The following NPAS2 variants were observed in gnomAD, a reference collection of about 807,000 sequenced individuals.
The protein encoded by NPAS2 is neuronal PAS domain protein 2.
In NPAS2, 23 loss-of-function variants were observed where a neutral mutation model predicts 107.5. That is an observed-to-expected ratio of 0.21 (90% CI 0.15 to 0.30). The LOEUF is 0.30. Among genes scored for constraint, NPAS2 ranks in the 10% least tolerant of loss-of-function variants. NPAS2 has a pLI of 1.00. For synonymous variants in NPAS2, 403 were observed against 417.5 expected (o/e 0.97, Z 0.42); for missense variants, 756 against 1,043.3 (o/e 0.72, Z 3.79).
intron 1 of NPAS2, among the ~76,000 whole-genome samples, chr2:100,828,285 CT>C (rs1267228140): frequency 6.6e-6 from 1 of 151,814 alleles, no homozygotes; most frequent in Non-Finnish European, 1.5e-5. Flanking sequence ...GTTTAAGTTC[CT>C]TATAGATTCT....
At chr2:100,930,821 A>C (rs1683892574) in intron 3 of NPAS2, among the ~76,000 whole-genome samples, 1 of 152,166 alleles carries the variant, frequency 6.6e-6, no homozygotes, top group African/African-American at 2.4e-5. Context: ...AGTTGAATGG[A>C]TCTCTATTTA....
chr2:100,962,471 C>T (rs1369884225), intron 7 of NPAS2, among the ~76,000 whole-genome samples: 2 of 152,070 alleles, frequency 1.3e-5, no homozygotes, highest in Non-Finnish European at 2.9e-5. Context: ...TTGTGAAAAA[C>T]GCAGCACAGA....
intron 1 of NPAS2, among the ~76,000 whole-genome samples, chr2:100,845,318 G>C (rs1267828777): frequency 6.6e-6 from 1 of 152,188 alleles, no homozygotes; most frequent in Non-Finnish European, 1.5e-5. Flanking sequence ...CTGACGTGGA[G>C]CAGGCTGGCT....
At chr2:100,928,724 A>G (rs1313096057) in intron 3 of NPAS2, among the ~76,000 whole-genome samples, 2 of 152,254 alleles carry the variant, frequency 1.3e-5, no homozygotes, top group Non-Finnish European at 2.9e-5. Context: ...CTTGGATTAA[A>G]GCAAAAAACA....
chr2:100,886,762 A>G (rs931001551), intron 1 of NPAS2, among the ~76,000 whole-genome samples: 2 of 152,222 alleles, frequency 1.3e-5, no homozygotes, highest in African/African-American at 2.4e-5. Flanking sequence ...AATATCCTCT[A>G]GATGAATTCA....
intron 1 of NPAS2, among the ~76,000 whole-genome samples, chr2:100,883,500 G>A (rs1354114924): frequency 2.0e-5 from 3 of 152,130 alleles, no homozygotes; most frequent in Non-Finnish European, 4.4e-5. Context: ...ACACGCCATG[G>A]GATGCTGCAG....
intron 2 of NPAS2, among the ~76,000 whole-genome samples, chr2:100,924,097 G>A (rs549014834): frequency 6.6e-6 from 1 of 152,086 alleles, no homozygotes; most frequent in Non-Finnish European, 1.5e-5. Flanking sequence ...ATTTTTTGGA[G>A]CATTTTTAGG....
chr2:100,848,471 G>A (rs1426254816), intron 1 of NPAS2, among the ~76,000 whole-genome samples: 1 of 152,168 alleles, frequency 6.6e-6, no homozygotes, highest in African/African-American at 2.4e-5. Context: ...ATTTAAAGGA[G>A]GAGGAAAGGG....
At chr2:100,902,612 G>A (rs1681858849) in intron 1 of NPAS2, among the ~76,000 whole-genome samples, 1 of 152,246 alleles carries the variant, frequency 6.6e-6, no homozygotes, top group Non-Finnish European at 1.5e-5. Context: ...CAAGGGCAAA[G>A]AGATCTGGAA....
At chr2:100,959,907 T>A (rs904717752) in intron 7 of NPAS2, among the ~76,000 whole-genome samples, 3 of 152,228 alleles carry the variant, frequency 2.0e-5, no homozygotes, top group African/African-American at 4.8e-5. Context: ...TTTCTCCAGC[T>A]CTTTGTATTC....
intron 6 of NPAS2, among the ~76,000 whole-genome samples, 200 bp from the exon 7 acceptor site, chr2:100,949,167 G>A (rs1675076203): frequency 6.6e-6 from 1 of 152,200 alleles, no homozygotes; most frequent in Non-Finnish European, 1.5e-5. Context: ...TGTATGGAAT[G>A]CAAAATATCT....
chr2:100,971,496 C>G (rs559542737), intron 12 of NPAS2, among the ~76,000 whole-genome samples: 83 of 152,104 alleles, frequency 5.5e-4, no homozygotes, highest in Non-Finnish European at 1.0e-3. Context: ...CCCTGGTCTT[C>G]CTTTGCTTGA....
At chr2:100,890,958 C>T (rs977383071) in intron 1 of NPAS2, among the ~76,000 whole-genome samples, 5 of 151,862 alleles carry the variant, frequency 3.3e-5, no homozygotes, top group Admixed American at 2.6e-4. Flanking sequence ...ATGGTCCAGG[C>T]GCAGTGGCTC....
rs150646388 is a variant in NPAS2 at position 100,839,853 on chromosome 2, G to A, written c.-23+19439G>A. Among the ~76,000 whole-genome samples the A allele has an allele frequency of 3.6e-4, 55 of 152,096 alleles. 1 individual carries two copies. The East Asian group carries it at 9.3e-3, about 26-fold the overall frequency. ...TTAAGAATATTTGTGCTTCACTTTT[G>A]AAGTCCATCTTCTTCTATAGATACT... is the stretch of plus-strand genomic sequence containing the variant. On this transcript the variant is annotated intron_variant, in intron 1 of 20. Coordinates refer to ENST00000335681, the MANE Select transcript of NPAS2 (RefSeq NM_002518.4).
intron 2 of NPAS2, among the ~76,000 whole-genome samples, chr2:100,907,520 A>ACACACC (rs1682241685): frequency 6.6e-6 from 1 of 150,724 alleles, no homozygotes; most frequent in Non-Finnish European, 1.5e-5. Flanking sequence ...ACACACACAC[A>ACACACC]CACCCCTAAG....
chr2:100,978,109 G>A lies in NPAS2; in HGVS notation c.1482+310G>A, dbSNP rs930771628. ...TCTGAGATTTGTGTACCTGTCACCC[G>A]AGCAGTGTACACTGTACCCAATATG... On this transcript the variant is annotated intron_variant, in intron 15 of 20. Transcript: ENST00000335681. Among the ~76,000 whole-genome samples the A allele has an allele frequency of 5.9e-5, 9 of 152,024 alleles. No individual in the cohort carries two copies. The East Asian group carries it at 9.6e-4, about 16-fold the overall frequency.
chr2:100,899,292 C>T (rs1247796183), intron 1 of NPAS2, among the ~76,000 whole-genome samples: 8 of 150,468 alleles, frequency 5.3e-5, no homozygotes, highest in Admixed American at 2.0e-4. Flanking sequence ...GGCGTGATCA[C>T]GGTGCACTGC....
At chr2:100,946,059 G>C (rs909079886) in intron 5 of NPAS2, among the ~76,000 whole-genome samples, 5 of 152,204 alleles carry the variant, frequency 3.3e-5, no homozygotes, top group African/African-American at 1.2e-4. Flanking sequence ...TAGCTGTACA[G>C]GAAAACGTTA....
intron 1 of NPAS2, among the ~76,000 whole-genome samples, chr2:100,902,298 A>G (rs953407049): frequency 6.6e-6 from 1 of 152,132 alleles, no homozygotes; most frequent in Admixed American, 6.5e-5. Flanking sequence ...CCCACACTCA[A>G]CAGCAGCCGA....
Sources: allele counts gnomAD v4.1 joint callset (sites outside exome capture counted in the v4.1 genomes callset), GRCh38; gene constraint gnomAD v4.1.1; transcripts MANE v1.5; gene names NCBI Gene and HGNC (gene_info 2026-07-23, HGNC 2026-07-21).